Variants in LCORL observed in about 807,000 individuals in gnomAD.
The protein encoded by LCORL is ligand-dependent nuclear receptor corepressor-like protein.
In LCORL, 41 loss-of-function variants were observed where a neutral mutation model predicts 141.8. The ratio of observed to expected loss-of-function variants is 0.29; its 90% CI spans 0.23 to 0.38. LCORL has a LOEUF of 0.38. Among genes scored for constraint, LCORL ranks in the 10% least tolerant of loss-of-function variants. The pLI is 1.00. For missense variants in LCORL, 1,759 were observed against 2,035.0 expected (o/e 0.86, Z 2.61); for synonymous variants, 618 against 694.1 (o/e 0.89, Z 1.72).
intron 1 of LCORL, among the ~76,000 whole-genome samples, chr4:17,999,269 C>G (rs1056301635): frequency 6.6e-6 from 1 of 151,306 alleles, no homozygotes; most frequent in African/African-American, 2.4e-5. Context: ...CTGGTGAACA[C>G]GGTGAAACCC....
chr4:17,860,556 A>G (rs945508228), intron 7 of LCORL, among the ~76,000 whole-genome samples: 3 of 152,140 alleles, frequency 2.0e-5, no homozygotes, highest in Non-Finnish European at 4.4e-5. Flanking sequence ...CAGCTAAACC[A>G]TATCATTTTG....
intron 5 of LCORL, among the ~76,000 whole-genome samples, chr4:17,902,319 A>G (rs953799681): frequency 4.6e-5 from 7 of 152,130 alleles, no homozygotes; most frequent in African/African-American, 1.7e-4. Context: ...CCCTGCAGTC[A>G]GAGGAGGTTA....
intron 1 of LCORL, among the ~76,000 whole-genome samples, chr4:17,982,172 T>C (rs1173374093): frequency 2.6e-5 from 4 of 151,404 alleles, no homozygotes; most frequent in African/African-American, 9.7e-5. Context: ...TTATCCAATC[T>C]ATCAATGATG....
intron 4 of LCORL, among the ~76,000 whole-genome samples, chr4:17,956,071 A>C (rs534988863): frequency 6.6e-6 from 1 of 152,266 alleles, no homozygotes; most frequent in African/African-American, 2.4e-5. Flanking sequence ...AACATCACTA[A>C]TCACCAGGGA....
At chr4:17,881,294 C>T (rs1727539616) in intron 6 of LCORL, 2 of 979,682 alleles carry the variant, frequency 2.0e-6, no homozygotes, top group African/African-American at 1.8e-5. Context: ...TAACTGGTAA[C>T]TAAATTCATA....
chr4:17,885,918 A>G, intron 6 of LCORL, 150 bp downstream of exon 6: 1 of 377,068 alleles, frequency 2.7e-6, no homozygotes, highest in Non-Finnish European at 4.7e-6. Context: ...GAGAAAGGAC[A>G]AATGAAAGGT....
At position 17,884,064 on chromosome 4, in the gene LCORL, G is replaced by C; in HGVS notation, c.776+2004C>G. On this transcript the variant is annotated intron_variant, in intron 6 of 7. Transcript: ENST00000635767. This position sits in a 1 kb window ranked among gnomAD's most constrained non-coding sequence, Gnocchi z 4.4. ...TCAACTGTTCCATTTTTAGAATTAA[G>C]ACACAAAGGAGAGAGGTCCCCATGT... is the stretch of plus-strand genomic sequence containing the variant. 6.4e-7 allele frequency: 1 copy of C among 1,550,532 alleles called. No homozygotes were observed. The highest frequency in any genetic ancestry group is 8.7e-7 in the Non-Finnish European group (1 of 1,146,256).
chr4:18,011,871 A>C (rs1723860033), intron 1 of LCORL, among the ~76,000 whole-genome samples: 1 of 152,194 alleles, frequency 6.6e-6, no homozygotes, highest in African/African-American at 2.4e-5. Flanking sequence ...AATGTTTTGA[A>C]GCCTAGTCAT....
intron 5 of LCORL, among the ~76,000 whole-genome samples, chr4:17,896,113 G>T (rs1729882974): frequency 1.3e-5 from 2 of 152,176 alleles, no homozygotes; most frequent in Non-Finnish European, 2.9e-5. Context: ...AGGAACTTCA[G>T]ACTGTTTCCA....
At chr4:17,924,986 C>T (rs1279315416) in intron 4 of LCORL, among the ~76,000 whole-genome samples, 1 of 152,164 alleles carries the variant, frequency 6.6e-6, no homozygotes, top group Non-Finnish European at 1.5e-5. Context: ...TGAAATGGCA[C>T]CACTCACCAT....
At chr4:17,975,769 C>T (rs1212004864) in intron 1 of LCORL, among the ~76,000 whole-genome samples, 1 of 152,126 alleles carries the variant, frequency 6.6e-6, no homozygotes, top group Non-Finnish European at 1.5e-5. Flanking sequence ...TTTCCTGACA[C>T]TGAATTTATG....
At chr4:18,015,774 CCA>C (rs1724536335) in intron 1 of LCORL, among the ~76,000 whole-genome samples, 1 of 150,082 alleles carries the variant, frequency 6.7e-6, no homozygotes, top group Non-Finnish European at 1.5e-5. Flanking sequence ...CAAGAAGCAT[CCA>C]GAAAGTAGCA....
rs138722482 is a variant in LCORL at position 17,954,750 on chromosome 4, G to A, written c.430+7153C>T. Among the ~76,000 whole-genome samples the A allele has an allele frequency of 1.2e-4, 18 of 152,240 alleles. No homozygotes were observed. The East Asian group carries it at 2.9e-3, about 25-fold the overall frequency. ...CAGACTTGATAATAGGTTGCATGTG[G>A]GCTGTAAAAGATACTGAGAAACCAA... On this transcript the variant is annotated intron_variant, in intron 4 of 7. Coordinates refer to ENST00000635767, the Ensembl canonical transcript of LCORL.
chr4:17,965,696 A>G (rs369009153), intron 2 of LCORL, among the ~76,000 whole-genome samples: 3 of 152,258 alleles, frequency 2.0e-5, no homozygotes, highest in East Asian at 3.9e-4. Context: ...GCTTTTCCAC[A>G]TACTCATGTG....
chr4:18,010,909 T>C (rs575281943), intron 1 of LCORL, among the ~76,000 whole-genome samples: 1 of 152,280 alleles, frequency 6.6e-6, no homozygotes, highest in African/African-American at 2.4e-5. Flanking sequence ...CTGGTTTCTA[T>C]GAGGAAGGAT....
chr4:17,907,763 T>C (rs1473992586), intron 5 of LCORL, among the ~76,000 whole-genome samples: 1 of 152,214 alleles, frequency 6.6e-6, no homozygotes, highest in East Asian at 1.9e-4. Context: ...GTGTATTTTA[T>C]GTGTGGCCCA....
chr4:17,988,193 T>G (rs1719340157), intron 1 of LCORL, among the ~76,000 whole-genome samples: 1 of 152,232 alleles, frequency 6.6e-6, no homozygotes, highest in Admixed American at 6.5e-5. Flanking sequence ...GCCGTGATTG[T>G]GAGGCCTCCC....
In LCORL at chr4:17,989,436, C is replaced by A. The variant is rs188944700; in HGVS notation, c.155-16551G>T. 2.8e-3 allele frequency among the ~76,000 whole-genome samples: 427 copies of A among 152,162 alleles called. 2 individuals are homozygous for A. The highest frequency in any genetic ancestry group is 4.5e-3 in the Non-Finnish European group (306 of 68,014). ...GGAAAGAGATGGACAGTGTCAAGGG[C>A]AAAATATTTCAATGACACCAAAGTA... On this transcript the variant is annotated intron_variant, in intron 1 of 7. Coordinates refer to ENST00000635767, the Ensembl canonical transcript of LCORL.
chr4:17,924,430 C>T (rs981264508), intron 4 of LCORL, among the ~76,000 whole-genome samples: 2 of 152,162 alleles, frequency 1.3e-5, no homozygotes, highest in African/African-American at 4.8e-5. Flanking sequence ...GCTGAGAGCC[C>T]AATTTGCCAG....
Sources: gnomAD v4.1 joint callset for allele counts (sites outside exome capture counted in the v4.1 genomes callset) on GRCh38, gnomAD v4.1.1 for gene constraint, Gnocchi (gnomAD v3.1) non-coding constraint, MANE v1.5 for transcripts, NCBI Gene and HGNC (gene_info 2026-07-23, HGNC 2026-07-21) for gene names.